Variants in NELL2 observed in about 807,000 individuals in gnomAD.
NELL2 encodes neural EGFL like 2, also known as protein kinase C-binding protein NELL2.
A neutral mutation model predicts 109.6 loss-of-function variants in NELL2; 41 were observed. The observed-to-expected ratio is 0.37, with a 90% CI of 0.29 to 0.49. The LOEUF (loss-of-function observed/expected upper bound fraction) is 0.49, where lower values mean the gene tolerates loss of function less well. Among genes scored for constraint, NELL2 ranks in the 20% least tolerant of loss-of-function variants. The probability of loss-of-function intolerance (pLI) is 0.98; values close to 1 mark genes in which losing one functional copy is unlikely to be tolerated. For missense variants in NELL2, 900 were observed against 1,008.3 expected (o/e 0.89, Z 1.45); for synonymous variants, 355 against 344.7 (o/e 1.03, Z -0.33).
At chr12:44,553,894 C>T (rs1943139288) in intron 15 of NELL2, among the ~76,000 whole-genome samples, 1 of 152,136 alleles carries the variant, frequency 6.6e-6, no homozygotes, top group Admixed American at 6.6e-5. Context: ...CACACACGCA[C>T]ACATCTGTGC....
chr12:44,545,746 G>A (rs1376154901), intron 15 of NELL2, among the ~76,000 whole-genome samples: 1 of 151,980 alleles, frequency 6.6e-6, no homozygotes, highest in African/African-American at 2.4e-5. Flanking sequence ...CAAAAGCAGA[G>A]TTTTAAAAAA....
intron 15 of NELL2, among the ~76,000 whole-genome samples, chr12:44,585,325 G>A (rs1254141689): frequency 6.6e-6 from 1 of 152,116 alleles, no homozygotes; most frequent in African/African-American, 2.4e-5. Context: ...TAAGAGGCTG[G>A]GCGCAGTGGC....
At chr12:44,814,475 T>C (rs1387849209) in intron 3 of NELL2, among the ~76,000 whole-genome samples, 4 of 151,984 alleles carry the variant, frequency 2.6e-5, no homozygotes, top group African/African-American at 9.7e-5. Flanking sequence ...AACAAGGAGC[T>C]CACTGGATCT....
chr12:44,823,566 T>C (rs531465811), intron 2 of NELL2, among the ~76,000 whole-genome samples: 21 of 152,336 alleles, frequency 1.4e-4, no homozygotes, highest in African/African-American at 4.1e-4. Context: ...AAAGATATGA[T>C]TTATTTCTTT....
chr12:44,779,992 C>G lies in NELL2; in HGVS notation c.366G>C (p.Arg122=). 6.2e-7 allele frequency: 1 copy of G among 1,613,722 alleles called. No homozygotes were observed. Among genetic ancestry groups the G allele is most frequent in the Non-Finnish European group, 8.5e-7 (1 of 1,179,714 alleles). ...AGCGGTAATGCAGTCTGACTTCATT[C>G]CGATGGCCACTACTTTCCAGTTCCA... ...RYLELESSGH[R]NEVRLHYRSG... The change falls in exon 4 of 20, where the codon CGG becomes CGC. Residue 122 remains arginine (R), a synonymous_variant. Transcript: ENST00000429094.
intron 12 of NELL2, among the ~76,000 whole-genome samples, chr12:44,678,654 G>A (rs775598142): frequency 3.3e-5 from 5 of 152,010 alleles, no homozygotes; most frequent in Admixed American, 6.6e-5. Flanking sequence ...TGCTTAAAAC[G>A]TCAGAGTGGA....
At chr12:44,651,859 C>G (rs569392347) in intron 13 of NELL2, among the ~76,000 whole-genome samples, 17 of 152,246 alleles carry the variant, frequency 1.1e-4, no homozygotes, top group Middle Eastern at 6.8e-3. Flanking sequence ...ACTGCTGAAT[C>G]TCAGTGACTA....
At chr12:44,853,266 C>T (rs1249049000) in intron 2 of NELL2, among the ~76,000 whole-genome samples, 1 of 152,064 alleles carries the variant, frequency 6.6e-6, no homozygotes, top group Non-Finnish European at 1.5e-5. Flanking sequence ...TGAAGACAAT[C>T]CAGATTTGAG....
chr12:44,745,692 T>G (rs1936767769), intron 9 of NELL2, among the ~76,000 whole-genome samples: 1 of 152,084 alleles, frequency 6.6e-6, no homozygotes, highest in East Asian at 1.9e-4. Context: ...GAACTCCCAT[T>G]CACAATTGCT....
rs749869147 is a variant in NELL2, at chr12:44,875,373, G to C, written c.56-20C>G. On this transcript the variant is annotated intron_variant, in intron 1 of 19. Coordinates refer to ENST00000429094, the MANE Select transcript of NELL2 (RefSeq NM_001145108.2). Reference sequence around the variant, plus strand: ...CCCAAACTGGTGAGGGGTATGAGGTGGGAGAGAGAAAAAGGAAAAGCTCCA... The same window carrying C: ...CCCAAACTGGTGAGGGGTATGAGGTCGGAGAGAGAAAAAGGAAAAGCTCCA... 14 of 1,613,858 alleles carry C rather than the reference G, an allele frequency of 8.7e-6. No homozygotes were observed. In the South Asian group the frequency reaches 1.5e-4, roughly 18 times the overall value.
intron 15 of NELL2, among the ~76,000 whole-genome samples, chr12:44,570,442 C>T (rs1431900310): frequency 3.3e-5 from 5 of 152,130 alleles, no homozygotes; most frequent in Non-Finnish European, 7.3e-5. Context: ...TGGCCAGTTT[C>T]ATTAAAGGAG....
intron 1 of NELL2, among the ~76,000 whole-genome samples, chr12:44,887,636 T>TTG (rs141640366): frequency 0.032 from 4,791 of 149,204 alleles, 260 homozygotes; most frequent in African/African-American, 0.1. Context: ...GGGGGGATTA[T>TTG]TGTGTGTGTG....
intron 19 of NELL2, among the ~76,000 whole-genome samples, chr12:44,509,567 G>A (rs747369275): frequency 1.3e-5 from 2 of 152,218 alleles, no homozygotes; most frequent in South Asian, 2.1e-4. Context: ...GAACACATGC[G>A]TCCTCTCTCT....
intron 9 of NELL2, among the ~76,000 whole-genome samples, chr12:44,740,023 GC>G (rs1939867447): frequency 6.6e-6 from 1 of 152,158 alleles, no homozygotes; most frequent in African/African-American, 2.4e-5. Context: ...AAACCATGTG[GC>G]ATGCAAGACC....
chr12:44,688,826 T>A (rs1181169586), intron 12 of NELL2, among the ~76,000 whole-genome samples: 1 of 152,230 alleles, frequency 6.6e-6, no homozygotes, highest in African/African-American at 2.4e-5. Flanking sequence ...ACAAGGAATG[T>A]GTCCAAAATA....
In NELL2 at chr12:44,558,509, C is replaced by T. The variant is rs148791137; in HGVS notation, c.1664-25788G>A. ...GACAGTGGGTGCAGCCCAGGGAGGG[C>T]GAGCCAAAGCCAGGGCTGGTCGGCG... is the stretch of plus-strand genomic sequence containing the variant. On this transcript the variant is annotated intron_variant, in intron 15 of 19. Coordinates refer to ENST00000429094, the MANE Select transcript of NELL2 (RefSeq NM_001145108.2). 3.5e-4 allele frequency among the ~76,000 whole-genome samples: 53 copies of T among 152,228 alleles called. 1 individual carries two copies. The East Asian group carries it at 8.7e-3, about 25-fold the overall frequency.
At chr12:44,757,438 A>G (rs1940938498) in intron 9 of NELL2, among the ~76,000 whole-genome samples, 1 of 152,046 alleles carries the variant, frequency 6.6e-6, no homozygotes, top group Admixed American at 6.6e-5. Flanking sequence ...TAACACCACA[A>G]CAGCCCACAT....
At chr12:44,572,180 T>C (rs1943896820) in intron 15 of NELL2, among the ~76,000 whole-genome samples, 1 of 152,202 alleles carries the variant, frequency 6.6e-6, no homozygotes, top group South Asian at 2.1e-4. Context: ...CTCACTCTGT[T>C]GCCCAGGCTG....
chr12:44,829,498 A>T (rs1943818877), intron 2 of NELL2, among the ~76,000 whole-genome samples: 1 of 152,184 alleles, frequency 6.6e-6, no homozygotes, highest in Admixed American at 6.5e-5. Flanking sequence ...TAAATTCATG[A>T]ACATGAACCA....
Sources: gnomAD v4.1 joint callset for allele counts (sites outside exome capture counted in the v4.1 genomes callset) on GRCh38, gnomAD v4.1.1 for gene constraint, MANE v1.5 for transcripts, NCBI Gene and HGNC (gene_info 2026-07-23, HGNC 2026-07-21) for gene names.